Variants in PPP1R1C observed in about 807,000 individuals in gnomAD.
The protein encoded by PPP1R1C is protein phosphatase 1 regulatory subunit 1C.
Under a neutral mutation model 17.4 loss-of-function variants are expected in PPP1R1C, and 15 were observed. That is an observed-to-expected ratio of 0.86 (90% CI 0.58 to 1.33). The LOEUF (loss-of-function observed/expected upper bound fraction) is 1.33. PPP1R1C is among the 40% of genes most tolerant of loss of function. PPP1R1C has a pLI of 0.00. For synonymous variants in PPP1R1C, 35 were observed against 43.1 expected, an observed-to-expected ratio of 0.81 and a Z score of 0.73; for missense variants, 143 against 130.0, an observed-to-expected ratio of 1.10 and a Z score of -0.48.
At chr2:182,013,514 T>C (rs1367105117) in intron 2 of PPP1R1C, among the ~76,000 whole-genome samples, 2 of 152,144 alleles carry the variant, frequency 1.3e-5, no homozygotes, top group East Asian at 1.9e-4. Context: ...TAGTCTTCTT[T>C]GGGTTAAATC....
At chr2:182,115,660 A>G (rs1689559165) in intron 4 of PPP1R1C, among the ~76,000 whole-genome samples, 1 of 152,186 alleles carries the variant, frequency 6.6e-6, no homozygotes, top group Non-Finnish European at 1.5e-5. Flanking sequence ...ATTTCTCCCT[A>G]CAGTCTTAGA....
At chr2:182,056,602 A>G (rs1293698310) in intron 2 of PPP1R1C, among the ~76,000 whole-genome samples, 3 of 152,164 alleles carry the variant, frequency 2.0e-5, no homozygotes, top group Admixed American at 6.6e-5. Context: ...AAAAGTCTGT[A>G]TCTTTGGGGT....
intron 1 of PPP1R1C, among the ~76,000 whole-genome samples, chr2:181,970,450 C>T (rs1341706593): frequency 6.6e-6 from 1 of 152,174 alleles, no homozygotes; most frequent in Admixed American, 6.5e-5. Flanking sequence ...CTCTGGATTA[C>T]CAGGCAGAGA....
chr2:182,090,066 G>T (rs916876646), intron 4 of PPP1R1C, among the ~76,000 whole-genome samples: 1 of 151,924 alleles, frequency 6.6e-6, no homozygotes. Context: ...TAAATATTTA[G>T]TCTCTCAAGA....
At chr2:182,085,726 A>G (rs1474803630) in intron 4 of PPP1R1C, among the ~76,000 whole-genome samples, 2 of 152,192 alleles carry the variant, frequency 1.3e-5, no homozygotes, top group African/African-American at 4.8e-5. Flanking sequence ...TATTTGTTGA[A>G]GTTCAAATAT....
At chr2:182,062,056 A>G (rs1219259292) in intron 3 of PPP1R1C, among the ~76,000 whole-genome samples, 2 of 152,142 alleles carry the variant, frequency 1.3e-5, no homozygotes, top group Admixed American at 6.6e-5. Flanking sequence ...CCAGGAGAGC[A>G]TATAATATAG....
chr2:182,118,174 T>A (rs542231506), downstream of PPP1R1C, among the ~76,000 whole-genome samples: 1 of 152,256 alleles, frequency 6.6e-6, no homozygotes, highest in South Asian at 2.1e-4. Context: ...TAAACAAATA[T>A]CTTTTATGAG....
At position 181,977,132 on chromosome 2, in the gene PPP1R1C, T is replaced by TAAAAAA. The variant is rs67129466; in HGVS notation, n.157+1904_157+1909dup. Among the ~76,000 whole-genome samples the TAAAAAA allele has an allele frequency of 9.6e-4, 19 of 19,844 alleles. 2 individuals are homozygous for TAAAAAA. The highest frequency in any genetic ancestry group is 1.7e-3 in the Non-Finnish European group (15 of 8,572). The allele number at this position is 19,844 out of a possible 152,430, so 13.0% of individuals were successfully genotyped here. On this transcript the variant is annotated intron_variant and non_coding_transcript_variant, in intron 2 of 5. Transcript: ENST00000464264. ...CTGGGCAACAGAGTGAGAATCTATCTAAAAAAAAAAAAAAAAAAAAAAAAA... is the reference window on the plus strand; with the variant it reads ...CTGGGCAACAGAGTGAGAATCTATCTAAAAAAAAAAAAAAAAAAAAAAAAAAAAAAA...
At chr2:182,074,043 T>TC (rs1023790429) in intron 4 of PPP1R1C, among the ~76,000 whole-genome samples, 1 of 67,892 alleles carries the variant, frequency 1.5e-5, no homozygotes, top group African/African-American at 3.7e-5. Flanking sequence ...TTCTTCTTCT[T>TC]TTTTTTTTTT....
intron 2 of PPP1R1C, among the ~76,000 whole-genome samples, chr2:181,996,265 A>G (rs1313160278): frequency 6.6e-6 from 1 of 152,208 alleles, no homozygotes; most frequent in African/African-American, 2.4e-5. Flanking sequence ...GAGCTCAGGA[A>G]GGACCTGTGA....
At chr2:182,105,418 A>G (rs963052428) in intron 4 of PPP1R1C, among the ~76,000 whole-genome samples, 2 of 152,186 alleles carry the variant, frequency 1.3e-5, no homozygotes, top group Non-Finnish European at 2.9e-5. Flanking sequence ...GGGTTCAGGC[A>G]TTCTGTAATT....
chr2:181,999,003 G>T (rs1312593641), intron 2 of PPP1R1C, among the ~76,000 whole-genome samples: 1 of 152,128 alleles, frequency 6.6e-6, no homozygotes, highest in Non-Finnish European at 1.5e-5. Context: ...CAGAGTTCCT[G>T]CTTCACTTAG....
chr2:181,978,643 G>C (rs895439592), intron 2 of PPP1R1C, among the ~76,000 whole-genome samples: 3 of 152,088 alleles, frequency 2.0e-5, no homozygotes, highest in African/African-American at 7.2e-5. Context: ...GGGACTGGAG[G>C]GGTGTTACAC....
At chr2:182,081,413 C>T (rs1688472201) in intron 4 of PPP1R1C, among the ~76,000 whole-genome samples, 1 of 152,098 alleles carries the variant, frequency 6.6e-6, no homozygotes, top group Non-Finnish European at 1.5e-5. Flanking sequence ...AGATTCAATA[C>T]ATTGCAGTTG....
At chr2:182,081,677 A>AT (rs368537028) in intron 4 of PPP1R1C, among the ~76,000 whole-genome samples, 1 of 152,184 alleles carries the variant, frequency 6.6e-6, no homozygotes, top group Non-Finnish European at 1.5e-5. Flanking sequence ...GTAAAAAAAA[A>AT]GTATTGTGTC....
Position 182,046,725 on chromosome 2 carries a change from G to A in PPP1R1C, c.143-14717G>A, listed in dbSNP as rs1271847858. ...CTGCATTCCAGCCTGGCAACAGAGC[G>A]AGTCTCTGTCTCAAGAAAAAAAAAA... On this transcript the variant is annotated intron_variant, in intron 2 of 4. Transcript: ENST00000682840. 4.7e-5 allele frequency among the ~76,000 whole-genome samples: 7 copies of A among 149,930 alleles called. No homozygotes were observed. The South Asian group carries it at 6.3e-4, about 13-fold the overall frequency.
In PPP1R1C at chr2:182,092,806, C is replaced by T. The variant is rs371311604; in HGVS notation, c.242-24401C>T. The stretch of plus-strand genomic sequence containing the variant: ...GTCACACTGATGCAAGAGGTAGGTC[C>T]CCATAGTCTTGGGCAGCTCTATCCC... On this transcript the variant is annotated intron_variant, in intron 4 of 4. Transcript: ENST00000682840. Among the ~76,000 whole-genome samples the T allele has an allele frequency of 2.3e-4, 35 of 152,258 alleles. No individual in the cohort carries two copies. The South Asian group carries it at 7.2e-3, about 32-fold the overall frequency.
intron 2 of PPP1R1C, among the ~76,000 whole-genome samples, chr2:182,015,252 G>T (rs539849190): frequency 6.6e-6 from 1 of 152,172 alleles, no homozygotes; most frequent in African/African-American, 2.4e-5. Flanking sequence ...TACTGTTCTC[G>T]TAGTAGTGAA....
intron 4 of PPP1R1C, 145 bp downstream of exon 4, chr2:182,063,936 T>G (rs540440037): frequency 1.6e-6 from 1 of 608,184 alleles, no homozygotes; most frequent in Non-Finnish European, 3.0e-6. Context: ...GTAAGATATC[T>G]TATCTACTTA....
Sources: gnomAD v4.1 joint callset for allele counts (sites outside exome capture counted in the v4.1 genomes callset) on GRCh38, gnomAD v4.1.1 for gene constraint, MANE v1.5 for transcripts, NCBI Gene and HGNC (gene_info 2026-07-23, HGNC 2026-07-21) for gene names.